LBP: variants seen among roughly 807,000 people sequenced by gnomAD.
LBP encodes lipopolysaccharide binding protein.
A neutral mutation model predicts 56.6 loss-of-function variants in LBP; 53 were observed. That is an observed-to-expected ratio of 0.94 (90% CI 0.75 to 1.18). LBP has a LOEUF of 1.18. Among genes scored for constraint, LBP ranks in the 50% most tolerant of loss-of-function variants. The pLI is 0.00. For synonymous variants in LBP, 227 were observed against 247.5 expected, an observed-to-expected ratio of 0.92 and a Z score of 0.78; for missense variants, 601 against 598.3, an observed-to-expected ratio of 1.00 and a Z score of -0.05.
Position 38,369,102 on chromosome 20 carries a change from G to A in LBP, c.1089G>A (p.Glu363=). Residue 363 remains glutamate (E), a synonymous_variant, in exon 10 of 15, where the codon GAG becomes GAA. Coordinates refer to ENST00000217407, the MANE Select transcript of LBP (RefSeq NM_004139.5). The part of the protein sequence containing the change: ...PGNLSVDPYM[E]IDAFVLLPSS... Reference sequence around the variant, plus strand: ...ATCTGTCTGTGGACCCCTATATGGAGATAGATGCCTTTGTGCTCCTGCCCA... The same window carrying A: ...ATCTGTCTGTGGACCCCTATATGGAAATAGATGCCTTTGTGCTCCTGCCCA... The A allele has an allele frequency of 1.2e-6, 2 of 1,614,182 alleles. No individual in the cohort carries two copies. Among genetic ancestry groups the A allele is most frequent in the Non-Finnish European group, 1.7e-6 (2 of 1,180,022 alleles).
At position 38,374,659 on chromosome 20, in the gene LBP, G is replaced by A. The variant is rs9753666; in HGVS notation, c.1401+646G>A. ...ACTGTAAGTCCTAGACGTAGCATTAGGTCAGGTTCTGAAAGTCATTTGTAA... is the reference window on the plus strand; with the variant it reads ...ACTGTAAGTCCTAGACGTAGCATTAAGTCAGGTTCTGAAAGTCATTTGTAA... On this transcript the variant is annotated intron_variant, in intron 14 of 14. Transcript: ENST00000217407. Among the ~76,000 whole-genome samples the A allele has an allele frequency of 7.3e-3, 1,112 of 151,514 alleles. 17 individuals are homozygous for A. Among genetic ancestry groups the A allele is most frequent in the African/African-American group, 0.025 (1,054 of 41,392 alleles).
intron 5 of LBP, among the ~76,000 whole-genome samples, chr20:38,359,346 C>T (rs1053471804): frequency 3.9e-5 from 6 of 151,946 alleles, no homozygotes; most frequent in South Asian, 4.2e-4. Flanking sequence ...TTTGGGAGGC[C>T]GATGGGGGTG....
intron 3 of LBP, among the ~76,000 whole-genome samples, chr20:38,352,913 T>A (rs1460221081): frequency 6.6e-6 from 1 of 152,132 alleles, no homozygotes; most frequent in African/African-American, 2.4e-5. Context: ...TAATTTCAGC[T>A]CTTTCTTTTT....
At chr20:38,361,476 C>T (rs376073162) in intron 6 of LBP, among the ~76,000 whole-genome samples, 97 of 150,940 alleles carry the variant, frequency 6.4e-4, no homozygotes, top group Middle Eastern at 3.4e-3. Flanking sequence ...GTGATCTCGG[C>T]TCACTGCAGC....
chr20:38,352,361 CT>C (rs2076823357), intron 3 of LBP, among the ~76,000 whole-genome samples: 1 of 152,190 alleles, frequency 6.6e-6, no homozygotes, highest in African/African-American at 2.4e-5. Flanking sequence ...CCAGCCATGC[CT>C]TTACTGAGTA....
Position 38,372,691 on chromosome 20 carries a change from G to A in LBP, c.1261-381G>A, listed in dbSNP as rs11536991. Reference sequence around the variant, plus strand: ...ACGTAAAGCTCTGAGCTCTCTGCTTGGCATATAGTGGGGGTTAGAAGTTGT... The same window carrying A: ...ACGTAAAGCTCTGAGCTCTCTGCTTAGCATATAGTGGGGGTTAGAAGTTGT... On this transcript the variant is annotated intron_variant, in intron 12 of 14. Coordinates refer to ENST00000217407, the MANE Select transcript of LBP (RefSeq NM_004139.5). Among the ~76,000 whole-genome samples the A allele has an allele frequency of 1.5e-3, 227 of 152,174 alleles. 4 individuals carry two copies. The highest frequency in any genetic ancestry group is 5.2e-3 in the African/African-American group (217 of 41,510).
In LBP at chr20:38,349,577, A is replaced by G. The variant is rs750120109; in HGVS notation, c.154A>G (p.Ser52Gly). The G allele has an allele frequency of 6.2e-7, 1 of 1,610,772 alleles. No homozygotes were observed. Among genetic ancestry groups the G allele is most frequent in the South Asian group, 1.1e-5 (1 of 90,158 alleles). The change falls in exon 2 of 15, where the codon AGT (serine) becomes GGT (glycine). Residue 52 changes from serine (S) to glycine (G), a missense_variant. Transcript: ENST00000217407. Reference protein sequence around the residue: ...AAQEGLLALQSELLRITLPDF... With the variant: ...AAQEGLLALQGELLRITLPDF... ...CCAGGAGGGGCTATTAGCTCTGCAGAGTGAGCTGCTCAGGATCACGCTGCC... is the reference window on the plus strand; with the variant it reads ...CCAGGAGGGGCTATTAGCTCTGCAGGGTGAGCTGCTCAGGATCACGCTGCC...
In LBP at chr20:38,350,832, G is replaced by C. The variant is rs1352656326; in HGVS notation, c.261G>C (p.Glu87Asp). 14 of 1,611,356 alleles carry C rather than the reference G, an allele frequency of 8.7e-6. No homozygotes were observed. Among genetic ancestry groups the C allele is most frequent in the Non-Finnish European group, 1.2e-5 (14 of 1,177,940 alleles). ...EFHSLNIHSC[E>D]LLHSALRPVP... ...TCAGCCTGAACATCCACAGCTGTGAGCTGCTTCACTCTGCGCTGAGGCCTG... is the reference window on the plus strand; with the variant it reads ...TCAGCCTGAACATCCACAGCTGTGACCTGCTTCACTCTGCGCTGAGGCCTG... The change falls in exon 3 of 15, where the codon GAG (glutamate) becomes GAC (aspartate). Residue 87 changes from glutamate (E) to aspartate (D), a missense_variant. By Grantham distance (45) the Glu-to-Asp change is conservative (BLOSUM62 2). Transcript: ENST00000217407.
intron 6 of LBP, among the ~76,000 whole-genome samples, chr20:38,361,758 A>C (rs868125579): frequency 2.0e-5 from 3 of 152,054 alleles, no homozygotes; most frequent in South Asian, 2.1e-4. Flanking sequence ...AAAAGTGCTC[A>C]AATCATAAGT....
At position 38,362,058 on chromosome 20, in the gene LBP, T is replaced by C. The variant is rs1360063297; in HGVS notation, c.652+1291T>C. ...ACGCCTTTATTTTTTGTTTTCTTTT[T>C]TTTTTTTTTTTTTTTTGTGAGACGG... On this transcript the variant is annotated intron_variant, in intron 6 of 14. Transcript: ENST00000217407. Among the ~76,000 whole-genome samples the C allele has an allele frequency of 5.4e-5, 7 of 128,962 alleles. No individual in the cohort carries two copies. The East Asian group carries it at 7.2e-4, about 13-fold the overall frequency. The allele number at this position is 128,962 out of a possible 152,430, so 84.6% of individuals were successfully genotyped here.
At chr20:38,358,839 A>C (rs2076849925) in intron 5 of LBP, among the ~76,000 whole-genome samples, 1 of 152,194 alleles carries the variant, frequency 6.6e-6, no homozygotes, top group Non-Finnish European at 1.5e-5. Flanking sequence ...TAACAAAAAG[A>C]GCTGTTTAAA....
At chr20:38,360,281 A>T (rs1203880198) in intron 5 of LBP, among the ~76,000 whole-genome samples, 1 of 152,090 alleles carries the variant, frequency 6.6e-6, no homozygotes, top group Non-Finnish European at 1.5e-5. Context: ...AAAACAAAAA[A>T]ACTATCTACA....
chr20:38,348,892 C>G (rs1200993658), intron 1 of LBP, among the ~76,000 whole-genome samples: 1 of 152,086 alleles, frequency 6.6e-6, no homozygotes, highest in Non-Finnish European at 1.5e-5. Flanking sequence ...CTCCCGGGTT[C>G]AAGTGATTCT....
chr20:38,370,887 A>T, intron 11 of LBP, 82 bp downstream of exon 11: 1 of 1,143,880 alleles, frequency 8.7e-7, no homozygotes, highest in Non-Finnish European at 1.3e-6. Context: ...AGCTGGTGGG[A>T]GGGGGGGCCA....
intron 5 of LBP, among the ~76,000 whole-genome samples, chr20:38,358,694 C>T (rs1233510958): frequency 6.6e-6 from 1 of 152,164 alleles, no homozygotes. Flanking sequence ...CATCAGCAAC[C>T]CAGCGTCTGA....
intron 2 of LBP, 45 bp from the exon 3 acceptor site, chr20:38,350,766 G>A: frequency 6.3e-7 from 1 of 1,575,080 alleles, no homozygotes; most frequent in Non-Finnish European, 8.6e-7. Flanking sequence ...GTGAGGCTGG[G>A]TCCAGGCCCA....
chr20:38,363,720 ATGTG>A lies in LBP; in HGVS notation c.653-240_653-237del, dbSNP rs1000366832. ...AAGCCTGGACTCATGGTGTGTGTGT[ATGTG>A]TGTGTGTGTGTGTGCTTGTCTGGAA... is the stretch of plus-strand genomic sequence containing the variant. On this transcript the variant is annotated intron_variant, in intron 6 of 14. Coordinates refer to ENST00000217407, the MANE Select transcript of LBP (RefSeq NM_004139.5). Among the ~76,000 whole-genome samples the A allele has an allele frequency of 1.5e-3, 219 of 150,748 alleles. 4 individuals carry two copies. The highest frequency in any genetic ancestry group is 2.5e-3 in the East Asian group (13 of 5,122).
At chr20:38,366,688 T>C in intron 8 of LBP, 81 bp from the exon 9 acceptor site, 2 of 1,289,360 alleles carry the variant, frequency 1.6e-6, no homozygotes, top group Non-Finnish European at 2.3e-6. Flanking sequence ...GTCTTGCACA[T>C]CCCCCTGTCT....
intron 5 of LBP, among the ~76,000 whole-genome samples, chr20:38,357,038 G>T (rs910928548): frequency 5.1e-4 from 77 of 152,244 alleles, no homozygotes; most frequent in Non-Finnish European, 1.5e-4. Context: ...TGTATTTTTA[G>T]TAGAGACGGG....
Sources: gnomAD v4.1 joint callset for allele counts (sites outside exome capture counted in the v4.1 genomes callset) on GRCh38, gnomAD v4.1.1 for gene constraint, MANE v1.5 for transcripts, NCBI Gene and HGNC (gene_info 2026-07-23, HGNC 2026-07-21) for gene names.